LYST: variants seen among roughly 807,000 people sequenced by gnomAD.
LYST encodes lysosomal-trafficking regulator.
A neutral mutation model predicts 413.6 loss-of-function variants in LYST; 192 were observed. The observed-to-expected ratio is 0.46, with a 90% confidence interval of 0.41 to 0.52. The LOEUF (loss-of-function observed/expected upper bound fraction) is 0.52. LYST is among the 20% of genes least tolerant of loss of function. The pLI is 0.00. For synonymous variants in LYST, 1,525 were observed against 1,567.3 expected (o/e 0.97, Z 0.64); for missense variants, 3,815 against 4,499.9 (o/e 0.85, Z 4.35).
chr1:235,813,079 G>C lies in LYST; in HGVS notation c.193-18C>G. On this transcript the variant is annotated intron_variant, in intron 3 of 52. Coordinates refer to ENST00000389793, the MANE Select transcript of LYST (RefSeq NM_000081.4). The stretch of plus-strand genomic sequence containing the variant: ...GTCAATGCCTATGTCAGTAACAAAA[G>C]AATCCTTCATGTTCTAAGGCGATAA... 3.5e-6 allele frequency: 5 copies of C among 1,412,032 alleles called. No homozygotes were observed. The highest frequency in any genetic ancestry group is 5.0e-6 in the Non-Finnish European group (5 of 995,752). The allele number at this position is 1,412,032 out of a possible 1,614,324, so 87.5% of individuals were successfully genotyped here. A position where few individuals can be genotyped will look rare whatever the true frequency, so the allele number is the denominator to read the frequency against.
At position 235,741,627 on chromosome 1, in the gene LYST, C is replaced by A; in HGVS notation, c.8153G>T (p.Gly2718Val). ...CTTGGAACCACTGGCTTTACTTGAA[C>A]CCTAAAATCAATCAAGATAGGAATG... ...YLVEGFKVSI[G>V]SSKASGSKQQ... is the part of the protein sequence containing the mutation. The change falls in exon 31 of 53, where the codon GGT becomes GTT. Residue 2718 changes from glycine to valine, a missense_variant and splice_region_variant. Physicochemically the swap from Gly to Val is moderately radical, Grantham distance 109. Transcript: ENST00000389793. 1 of 1,611,542 alleles carries A rather than the reference C, an allele frequency of 6.2e-7. No individual in the cohort carries two copies. Among genetic ancestry groups the A allele is most frequent in the Non-Finnish European group, 8.5e-7 (1 of 1,177,816 alleles).
chr1:235,758,185 C>T (rs1429162426), intron 23 of LYST, among the ~76,000 whole-genome samples: 1 of 152,144 alleles, frequency 6.6e-6, no homozygotes. Flanking sequence ...AGTTATGGGT[C>T]TGCGATAGCA....
At chr1:235,804,461 C>A (rs751887788) in intron 7 of LYST, 43 bp downstream of exon 7, 2 of 1,518,038 alleles carry the variant, frequency 1.3e-6, no homozygotes, top group Non-Finnish European at 1.8e-6. Flanking sequence ...TCCGCCTCTG[C>A]TGGTCATACC....
chr1:235,776,511 G>A (rs144829441), intron 17 of LYST, among the ~76,000 whole-genome samples: 25 of 152,260 alleles, frequency 1.6e-4, no homozygotes, highest in African/African-American at 6.0e-4. Context: ...ACTAAAGTGA[G>A]ACTGTTGGTG....
chr1:235,731,454 A>G (rs1011789587), intron 34 of LYST, among the ~76,000 whole-genome samples: 2 of 152,134 alleles, frequency 1.3e-5, no homozygotes, highest in African/African-American at 4.8e-5. Flanking sequence ...AAGATATGTA[A>G]TGACTACTAT....
At chr1:235,670,500 C>T (rs562101410) in intron 50 of LYST, among the ~76,000 whole-genome samples, 1 of 152,330 alleles carries the variant, frequency 6.6e-6, no homozygotes, top group South Asian at 2.1e-4. Context: ...CTCCAATCAT[C>T]TCTTGTGAGG....
chr1:235,827,488 A>G, intron 3 of LYST: 1 of 982,554 alleles, frequency 1.0e-6, no homozygotes, highest in Non-Finnish European at 1.2e-6. Flanking sequence ...TAGAAAAACT[A>G]AATTTCCTCC....
At chr1:235,818,791 A>AT (rs1470496556) in intron 3 of LYST, among the ~76,000 whole-genome samples, 1 of 152,168 alleles carries the variant, frequency 6.6e-6, no homozygotes, top group Non-Finnish European at 1.5e-5. Context: ...CGCTGTACTG[A>AT]TAATTCAGCC....
At chr1:235,707,349 A>G (rs1364481825) in intron 44 of LYST, among the ~76,000 whole-genome samples, 1 of 152,200 alleles carries the variant, frequency 6.6e-6, no homozygotes, top group Non-Finnish European at 1.5e-5. Flanking sequence ...AATGTAGGCC[A>G]GACATGGTGG....
chr1:235,817,868 G>T (rs1300278270), intron 3 of LYST, among the ~76,000 whole-genome samples: 1 of 150,552 alleles, frequency 6.6e-6, no homozygotes, highest in African/African-American at 2.4e-5. Flanking sequence ...TAAAATAAAA[G>T]TAAAAAAAAA....
intron 30 of LYST, 106 bp downstream of exon 30, chr1:235,743,873 G>GA: frequency 2.9e-6 from 2 of 690,846 alleles, no homozygotes; most frequent in South Asian, 3.6e-5. Context: ...AAAGCTCTCT[G>GA]AAAGAGCACA....
At chr1:235,817,373 G>GTATA (rs199865845) in intron 3 of LYST, among the ~76,000 whole-genome samples, 1,953 of 152,258 alleles carry the variant, frequency 0.013, 40 homozygotes, top group African/African-American at 0.045. Flanking sequence ...CCATTATTGG[G>GTATA]TATATACCCA....
Position 235,788,596 on chromosome 1 carries a change from T to C in LYST, c.4688+105A>G, listed in dbSNP as rs1044851584. On this transcript the variant is annotated intron_variant, in intron 13 of 52. Transcript: ENST00000389793. ...GTATATATTTTTAAATGAGACTTTT[T>C]GTTTTGCTATAATGAACTTTTATTA... The C allele has an allele frequency of 2.9e-5, 30 of 1,024,366 alleles. No homozygotes were observed. The African/African-American group carries it at 3.7e-4, about 13-fold the overall frequency. The allele number at this position is 1,024,366 out of a possible 1,614,324, so 63.5% of individuals were successfully genotyped here. A position where few individuals can be genotyped will look rare whatever the true frequency, so the allele number is the denominator to read the frequency against.
At chr1:235,834,793 T>C (rs1676384884) in intron 1 of LYST, among the ~76,000 whole-genome samples, 1 of 152,120 alleles carries the variant, frequency 6.6e-6, no homozygotes, top group African/African-American at 2.4e-5. Flanking sequence ...CACCCCCTCA[T>C]TCCTCTGGCA....
intron 3 of LYST, among the ~76,000 whole-genome samples, chr1:235,816,055 G>A (rs181450230): frequency 5.5e-5 from 8 of 145,706 alleles, no homozygotes; most frequent in Non-Finnish European, 7.5e-5. Flanking sequence ...ACTTGAACCC[G>A]GGAGGAGGAA....
chr1:235,788,607 A>G (rs541259074), intron 13 of LYST, 94 bp downstream of exon 13: 4 of 1,193,664 alleles, frequency 3.4e-6, no homozygotes, highest in Non-Finnish European at 4.9e-6. Flanking sequence ...GTTTTGCTAT[A>G]ATGAACTTTT....
At chr1:235,716,904 A>G in intron 40 of LYST, 126 bp from the exon 41 acceptor site, 1 of 623,442 alleles carries the variant, frequency 1.6e-6, no homozygotes, top group Non-Finnish European at 2.9e-6. Flanking sequence ...TTCTCTGCTT[A>G]AACATATTGT....
intron 50 of LYST, among the ~76,000 whole-genome samples, chr1:235,676,232 G>A (rs1185936955): frequency 6.6e-6 from 1 of 152,134 alleles, no homozygotes; most frequent in African/African-American, 2.4e-5. Flanking sequence ...TCTGAACCTG[G>A]AAGACATATA....
intron 48 of LYST, among the ~76,000 whole-genome samples, chr1:235,683,079 C>T (rs1422017723): frequency 1.3e-5 from 2 of 152,216 alleles, no homozygotes; most frequent in African/African-American, 2.4e-5. Flanking sequence ...ACCTTTTACT[C>T]TGTGAAATGA....
Sources: gnomAD v4.1 joint callset for allele counts (sites outside exome capture counted in the v4.1 genomes callset) on GRCh38, gnomAD v4.1.1 for gene constraint, MANE v1.5 for transcripts, NCBI Gene and HGNC (gene_info 2026-07-23, HGNC 2026-07-21) for gene names.